The following TUBA1C variants were observed in gnomAD, a reference collection of about 807,000 sequenced individuals.
TUBA1C encodes tubulin alpha-1C chain.
A neutral mutation model predicts 34.9 loss-of-function variants in TUBA1C; 16 were observed. That is an observed-to-expected ratio of 0.46 (90% CI 0.31 to 0.70). The LOEUF is 0.70. TUBA1C is among the 30% of genes least tolerant of loss of function. The pLI, the probability that TUBA1C is intolerant of heterozygous loss-of-function variation, is 0.05. For missense variants in TUBA1C, 329 were observed against 587.3 expected, an observed-to-expected ratio of 0.56 and a Z score of 4.55; for synonymous variants, 177 against 215.9, an observed-to-expected ratio of 0.82 and a Z score of 1.58.
chr12:49,237,243 A>C (rs977467199), intron 1 of TUBA1C, among the ~76,000 whole-genome samples: 2 of 146,454 alleles, frequency 1.4e-5, no homozygotes, highest in African/African-American at 5.1e-5. Context: ...AACATGGAGA[A>C]ACCCCATCTC....
At chr12:49,231,190 G>A (rs1446696252) in intron 1 of TUBA1C, among the ~76,000 whole-genome samples, 1 of 152,036 alleles carries the variant, frequency 6.6e-6, no homozygotes, top group Admixed American at 6.6e-5. Flanking sequence ...TTATAGTCAG[G>A]GTCTCATTCT....
chr12:49,260,090 T>C (rs974613753), upstream of TUBA1C, among the ~76,000 whole-genome samples: 8 of 152,206 alleles, frequency 5.3e-5, no homozygotes, highest in African/African-American at 1.7e-4. Flanking sequence ...CCAGGCTCTA[T>C]GATATAGTCC....
At chr12:49,229,182 T>A (rs1294631787) in intron 1 of TUBA1C, among the ~76,000 whole-genome samples, 1 of 152,196 alleles carries the variant, frequency 6.6e-6, no homozygotes, top group Non-Finnish European at 1.5e-5. Context: ...TTTATCTTTT[T>A]TGCGTGCGTG....
chr12:49,257,709 G>T (rs932282833), intron 1 of TUBA1C, among the ~76,000 whole-genome samples: 20 of 152,092 alleles, frequency 1.3e-4, no homozygotes, highest in African/African-American at 4.6e-4. Flanking sequence ...AGCCCAGGAA[G>T]TTGAGGCTGC....
intron 1 of TUBA1C, among the ~76,000 whole-genome samples, chr12:49,257,104 CA>C (rs1304451273): frequency 6.7e-6 from 1 of 148,160 alleles, no homozygotes; most frequent in Admixed American, 6.8e-5. Context: ...CACTTGAACC[CA>C]GGGGGCAGAG....
At chr12:49,237,980 G>A (rs1036142240) in intron 1 of TUBA1C, among the ~76,000 whole-genome samples, 2 of 151,476 alleles carry the variant, frequency 1.3e-5, no homozygotes, top group South Asian at 2.1e-4. Flanking sequence ...ATGGTGGTGG[G>A]CGCCTGTAAT....
intron 1 of TUBA1C, among the ~76,000 whole-genome samples, chr12:49,246,401 C>T (rs1201643681): frequency 4.0e-5 from 6 of 150,746 alleles, no homozygotes; most frequent in East Asian, 2.0e-4. Flanking sequence ...TGAACTTGGC[C>T]GGGCGCGGTG....
At chr12:49,251,183 G>C (rs1391083979) in intron 1 of TUBA1C, among the ~76,000 whole-genome samples, 1 of 152,086 alleles carries the variant, frequency 6.6e-6, no homozygotes, top group Non-Finnish European at 1.5e-5. Flanking sequence ...CTCCAGCCTG[G>C]GGCAACAGAG....
upstream of TUBA1C, among the ~76,000 whole-genome samples, chr12:49,261,435 TAA>T (rs1942839850): frequency 6.6e-6 from 1 of 152,176 alleles, no homozygotes; most frequent in African/African-American, 2.4e-5. Flanking sequence ...GAACCTAGAA[TAA>T]AAGAGACAAC....
intron 1 of TUBA1C, among the ~76,000 whole-genome samples, chr12:49,251,805 G>A (rs537239123): frequency 4.0e-5 from 6 of 150,880 alleles, no homozygotes; most frequent in Admixed American, 2.0e-4. Context: ...TATACAACAC[G>A]ACCAAGTTGT....
intron 1 of TUBA1C, among the ~76,000 whole-genome samples, chr12:49,265,979 A>C (rs1160497859): frequency 6.8e-6 from 1 of 148,092 alleles, no homozygotes; most frequent in Non-Finnish European, 1.5e-5. Context: ...AAAACAAAAA[A>C]AAACGCTGGG....
At chr12:49,246,648 C>G (rs1266841239) in intron 1 of TUBA1C, among the ~76,000 whole-genome samples, 1 of 151,744 alleles carries the variant, frequency 6.6e-6, no homozygotes, top group Non-Finnish European at 1.5e-5. Flanking sequence ...GCACTCTAGC[C>G]TGGGCGAAGA....
At chr12:49,248,784 C>T (rs1167575597) in intron 1 of TUBA1C, among the ~76,000 whole-genome samples, 3 of 148,014 alleles carry the variant, frequency 2.0e-5, no homozygotes, top group Admixed American at 1.4e-4. Context: ...AGGAGAATGG[C>T]GTGAACCCGG....
At chr12:49,258,391 G>A (rs895469016) in intron 1 of TUBA1C, among the ~76,000 whole-genome samples, 3 of 152,012 alleles carry the variant, frequency 2.0e-5, no homozygotes, top group African/African-American at 7.2e-5. Context: ...CTGGGCAACA[G>A]AGTGAGACCT....
At chr12:49,271,049 C>CCT (rs1942986123) in intron 3 of TUBA1C, among the ~76,000 whole-genome samples, 2 of 152,128 alleles carry the variant, frequency 1.3e-5, no homozygotes, top group African/African-American at 4.8e-5. Flanking sequence ...CAGGGACCTG[C>CCT]CTTTAGGACA....
upstream of TUBA1C, chr12:49,264,978 C>A (rs987878152): frequency 3.0e-6 from 2 of 670,298 alleles, no homozygotes; most frequent in Non-Finnish European, 2.1e-6. Context: ...GGCCAGGGCT[C>A]GAAGGTGGGG....
upstream of TUBA1C, among the ~76,000 whole-genome samples, chr12:49,262,263 AAAG>A (rs1942847821): frequency 6.6e-6 from 1 of 151,720 alleles, no homozygotes; most frequent in Non-Finnish European, 1.5e-5. Context: ...AAAAAAAAAA[AAAG>A]ATTAGCCAGG....
chr12:49,262,252 A>G (rs1367340074), upstream of TUBA1C, among the ~76,000 whole-genome samples: 6 of 139,986 alleles, frequency 4.3e-5, no homozygotes, highest in Admixed American at 4.3e-4. Context: ...TCATCTTTAC[A>G]AAAAAAAAAA....
chr12:49,256,626 C>A (rs1233921906), intron 1 of TUBA1C: 2 of 244,840 alleles, frequency 8.2e-6, no homozygotes, highest in East Asian at 1.8e-4. Context: ...GCTTATATTC[C>A]TGACTCCATT....
Sources: allele counts gnomAD v4.1 joint callset (sites outside exome capture counted in the v4.1 genomes callset), GRCh38; gene constraint gnomAD v4.1.1; transcripts MANE v1.5; gene names NCBI Gene and HGNC (gene_info 2026-07-23, HGNC 2026-07-21).